LRRC37A2: variants seen among roughly 807,000 people sequenced by gnomAD.
The protein encoded by LRRC37A2 is leucine rich repeat containing 37 member A2.
A neutral mutation model predicts 68.8 loss-of-function variants in LRRC37A2; 9 were observed. That is an observed-to-expected ratio of 0.13 (90% CI 0.08 to 0.23). The LOEUF is 0.23. Ranked by LOEUF, LRRC37A2 falls within the 10% of genes least tolerant of loss-of-function variation. The pLI is 1.00. For missense variants in LRRC37A2, 168 were observed against 950.4 expected, an observed-to-expected ratio of 0.18 and a Z score of 10.82; for synonymous variants, 63 against 367.6, an observed-to-expected ratio of 0.17 and a Z score of 9.48.
chr17:46,392,423 T>TTCTC, the LRRC37A2 span, among the ~76,000 whole-genome samples: 1 of 50,616 alleles, frequency 2.0e-5, no homozygotes, highest in African/African-American at 6.7e-5. Flanking sequence ...CTCTCTCTCT[T>TTCTC]TCTTTCTCTC....
chr17:46,869,336 G>A, the LRRC37A2 span, among the ~76,000 whole-genome samples: 1 of 152,282 alleles, frequency 6.6e-6, no homozygotes, highest in African/African-American at 2.4e-5. Context: ...GAGCTCCAAG[G>A]CAACACTGGC....
At chr17:46,928,418 C>A in the LRRC37A2 span, among the ~76,000 whole-genome samples, 1 of 152,084 alleles carries the variant, frequency 6.6e-6, no homozygotes, top group Non-Finnish European at 1.5e-5. Context: ...CCAGCAGGCC[C>A]CCTTCATGTG....
chr17:46,898,813 A>G, the LRRC37A2 span, among the ~76,000 whole-genome samples: 2 of 152,216 alleles, frequency 1.3e-5, no homozygotes, highest in Non-Finnish European at 2.9e-5. Context: ...CATTGCTGGT[A>G]GGAATGTAAA....
At chr17:46,773,957 C>A in the LRRC37A2 span, 1 of 1,594,728 alleles carries the variant, frequency 6.3e-7, no homozygotes, top group Non-Finnish European at 8.5e-7. Context: ...AAGCACAGAG[C>A]CCATCCTGGG....
chr17:46,936,626 T>C, the LRRC37A2 span: 35 of 985,238 alleles, frequency 3.6e-5, no homozygotes, highest in Non-Finnish European at 4.0e-5. Flanking sequence ...GGGGCCAATT[T>C]GTGGCTGAAA....
chr17:46,818,887 G>C, the LRRC37A2 span: 1 of 498,168 alleles, frequency 2.0e-6, no homozygotes, highest in Non-Finnish European at 3.6e-6. Flanking sequence ...CTCCGGGAAG[G>C]GCATCGCCCA....
At chr17:46,788,744 G>A in the LRRC37A2 span, among the ~76,000 whole-genome samples, 1 of 147,284 alleles carries the variant, frequency 6.8e-6, no homozygotes, top group Non-Finnish European at 1.5e-5. Context: ...GCCCTGCGAG[G>A]ACCTCCCTGC....
At chr17:46,858,560 G>T in the LRRC37A2 span, among the ~76,000 whole-genome samples, 1 of 151,950 alleles carries the variant, frequency 6.6e-6, no homozygotes. Flanking sequence ...TTTTGAGTAA[G>T]CCTGGAGCCT....
At chr17:46,723,017 G>A in the LRRC37A2 span, among the ~76,000 whole-genome samples, 1 of 152,182 alleles carries the variant, frequency 6.6e-6, no homozygotes, top group African/African-American at 2.4e-5. Flanking sequence ...CAAATGTTAT[G>A]TGTAGGCCAT....
chr17:46,839,685 C>G, the LRRC37A2 span, among the ~76,000 whole-genome samples: 5 of 152,076 alleles, frequency 3.3e-5, no homozygotes, highest in African/African-American at 4.8e-5. Flanking sequence ...CTCCCCCAGT[C>G]CCCCCCGCCA....
At chr17:46,918,119 G>A in the LRRC37A2 span, among the ~76,000 whole-genome samples, 1 of 151,956 alleles carries the variant, frequency 6.6e-6, no homozygotes, top group Non-Finnish European at 1.5e-5. Context: ...TCGCTCTGTC[G>A]CCCAGGCTAG....
At chr17:46,820,237 C>G in the LRRC37A2 span, among the ~76,000 whole-genome samples, 1 of 152,318 alleles carries the variant, frequency 6.6e-6, no homozygotes, top group Admixed American at 6.5e-5. Context: ...GGGAAATGGC[C>G]TCGGGGGCAC....
At chr17:46,768,463 C>T in the LRRC37A2 span, 2 of 1,614,160 alleles carry the variant, frequency 1.2e-6, no homozygotes, top group Non-Finnish European at 1.7e-6. This position sits in a 1 kb window ranked among gnomAD's most constrained non-coding sequence, Gnocchi z 5.0. Context: ...AGATCGCAGC[C>T]ATCGATGCCG....
chr17:47,003,723 CT>C, the LRRC37A2 span, among the ~76,000 whole-genome samples: 2,925 of 149,928 alleles, frequency 0.02, 78 homozygotes, highest in African/African-American at 0.063. Flanking sequence ...CTATATTTGC[CT>C]TTTTTTTTTA....
At chr17:46,940,548 C>G in the LRRC37A2 span, 1 of 1,614,060 alleles carries the variant, frequency 6.2e-7, no homozygotes, top group Non-Finnish European at 8.5e-7. Context: ...GCTGTCCTGT[C>G]CCCCAGGCAC....
chr17:46,853,979 GAT>G, the LRRC37A2 span, among the ~76,000 whole-genome samples: 1 of 151,792 alleles, frequency 6.6e-6, no homozygotes, highest in Non-Finnish European at 1.5e-5. Context: ...TGACATGTGA[GAT>G]GGTCAAATAG....
the LRRC37A2 span, among the ~76,000 whole-genome samples, chr17:46,894,503 C>T: frequency 1.4e-4 from 21 of 152,332 alleles, no homozygotes; most frequent in South Asian, 4.4e-3. Flanking sequence ...TTAGGCTTGC[C>T]CCGACCCTAC....
At chr17:46,753,020 C>T in the LRRC37A2 span, among the ~76,000 whole-genome samples, 2 of 152,244 alleles carry the variant, frequency 1.3e-5, no homozygotes, top group African/African-American at 2.4e-5. Context: ...CTGCCCGCCT[C>T]GGCCTCCCAA....
the LRRC37A2 span, chr17:46,923,145 T>A: frequency 7.9e-7 from 1 of 1,258,636 alleles, no homozygotes; most frequent in African/African-American, 1.5e-5. Context: ...TGTGAGGACG[T>A]GTTCCGAGGA....
Sources: gnomAD v4.1 joint callset for allele counts (sites outside exome capture counted in the v4.1 genomes callset) on GRCh38, gnomAD v4.1.1 for gene constraint, Gnocchi (gnomAD v3.1) non-coding constraint, MANE v1.5 for transcripts, NCBI Gene and HGNC (gene_info 2026-07-23, HGNC 2026-07-21) for gene names.